TIAM2: variants seen among roughly 807,000 people sequenced by gnomAD.
TIAM2 encodes rho guanine nucleotide exchange factor TIAM2.
Under a neutral mutation model 152.9 loss-of-function variants are expected in TIAM2, and 80 were observed. That is an observed-to-expected ratio of 0.52 (90% CI 0.44 to 0.63). The LOEUF (loss-of-function observed/expected upper bound fraction) is 0.63. TIAM2 is among the 30% of genes least tolerant of loss of function. The pLI, the probability that TIAM2 is intolerant of heterozygous loss-of-function variation, is 0.00. For synonymous variants in TIAM2, 804 were observed against 838.0 expected (o/e 0.96, Z 0.70); for missense variants, 1,965 against 2,120.1 (o/e 0.93, Z 1.44).
At chr6:155,142,355 AGTCTGTT>A (rs1398260798) in intron 5 of TIAM2, among the ~76,000 whole-genome samples, 1 of 152,218 alleles carries the variant, frequency 6.6e-6, no homozygotes. Flanking sequence ...TTAGAGCGGT[AGTCTGTT>A]GTCCATGGGT....
chr6:155,111,124 C>G (rs892513436), intron 2 of TIAM2, among the ~76,000 whole-genome samples: 1 of 152,136 alleles, frequency 6.6e-6, no homozygotes, highest in African/African-American at 2.4e-5. Flanking sequence ...AGAATAAAGA[C>G]AGGCTCTTTT....
At chr6:155,242,478 G>A (rs576396982) in intron 16 of TIAM2, among the ~76,000 whole-genome samples, 1 of 152,190 alleles carries the variant, frequency 6.6e-6, no homozygotes, top group Non-Finnish European at 1.5e-5. Flanking sequence ...GGTGAGGGAA[G>A]GCCAGGGAGG....
intron 1 of TIAM2, among the ~76,000 whole-genome samples, chr6:155,062,100 C>A (rs1250775438): frequency 4.7e-5 from 7 of 150,150 alleles, no homozygotes; most frequent in Non-Finnish European, 7.4e-5. Flanking sequence ...CCCACCGCCC[C>A]CGCGCACCAC....
At chr6:155,173,199 G>GTGTC (rs56657909) in intron 9 of TIAM2, among the ~76,000 whole-genome samples, 14,381 of 149,630 alleles carry the variant, frequency 0.096, 769 homozygotes, top group Middle Eastern at 0.16. Flanking sequence ...GTGTGTGTGT[G>GTGTC]TGTCTGTCTG....
At chr6:155,037,756 C>T (rs1421783848) in intron 1 of TIAM2, among the ~76,000 whole-genome samples, 1 of 152,166 alleles carries the variant, frequency 6.6e-6, no homozygotes, top group African/African-American at 2.4e-5. Flanking sequence ...TCTTGAACTC[C>T]TGACCTCAAG....
chr6:155,217,285 A>G (rs185674694), intron 15 of TIAM2, among the ~76,000 whole-genome samples: 1 of 152,366 alleles, frequency 6.6e-6, no homozygotes. Flanking sequence ...TTTTACAGCT[A>G]AGGATAAGAG....
rs1051918844 is a variant in TIAM2, at chr6:155,112,417, C to G, written c.-117-15073C>G. Among the ~76,000 whole-genome samples the G allele has an allele frequency of 1.4e-4, 21 of 152,078 alleles. No homozygotes were observed. The East Asian group carries it at 3.9e-3, about 28-fold the overall frequency. On this transcript the variant is annotated intron_variant, in intron 2 of 26. Transcript: ENST00000682666. ...TGGGATTACAGGTGTGAGCCACCAC[C>G]GTGCCAGGTCTCTTGGTTCCTCTTA...
chr6:155,151,067 T>C (rs1223397401), intron 7 of TIAM2, among the ~76,000 whole-genome samples: 1 of 152,214 alleles, frequency 6.6e-6, no homozygotes, highest in Admixed American at 6.5e-5. Flanking sequence ...ACAGAAGTCC[T>C]CAGGCATCTG....
chr6:155,075,011 T>A lies in TIAM2; in HGVS notation c.-208-15278T>A, dbSNP rs773147430. 2.0e-5 allele frequency among the ~76,000 whole-genome samples: 3 copies of A among 151,854 alleles called. No homozygotes were observed. The South Asian group carries it at 6.3e-4, about 32-fold the overall frequency. The stretch of plus-strand genomic sequence containing the variant: ...CGATGCAATTCTGGATAAGTCTGGA[T>A]AAGGACGGTGGGTGCAGCCGCGGCT... On this transcript the variant is annotated intron_variant, in intron 1 of 26. Coordinates refer to ENST00000682666, the MANE Select transcript of TIAM2 (RefSeq NM_012454.4).
chr6:155,220,224 G>A (rs1323650311), intron 15 of TIAM2, among the ~76,000 whole-genome samples: 1 of 152,252 alleles, frequency 6.6e-6, no homozygotes, highest in Admixed American at 6.5e-5. Flanking sequence ...AGCTGGCTGT[G>A]CCTTTGCCAG....
intron 1 of TIAM2, among the ~76,000 whole-genome samples, chr6:155,014,795 G>A (rs1315881422): frequency 6.6e-6 from 1 of 152,200 alleles, no homozygotes; most frequent in African/African-American, 2.4e-5. Context: ...GCAGCAGAGG[G>A]AATTGCAGTA....
chr6:155,206,923 T>C (rs7741028), intron 14 of TIAM2, among the ~76,000 whole-genome samples: 140,968 of 152,274 alleles, frequency 0.93, 65,403 homozygotes, highest in East Asian at 1. Context: ...TTTTCTGGAG[T>C]GAGTCTGAAC....
intron 7 of TIAM2, among the ~76,000 whole-genome samples, chr6:155,153,933 T>C (rs1328210017): frequency 6.6e-6 from 1 of 152,196 alleles, no homozygotes; most frequent in African/African-American, 2.4e-5. Flanking sequence ...AAGAGCTGTT[T>C]ACTTTTTACC....
At chr6:155,193,637 CAT>C (rs1314011009) in intron 14 of TIAM2, among the ~76,000 whole-genome samples, 1 of 152,122 alleles carries the variant, frequency 6.6e-6, no homozygotes, top group Non-Finnish European at 1.5e-5. Flanking sequence ...CACAGTTGTA[CAT>C]ATGTTTTTCC....
chr6:155,087,735 T>G (rs954471118), intron 1 of TIAM2, among the ~76,000 whole-genome samples: 1 of 151,848 alleles, frequency 6.6e-6, no homozygotes, highest in Non-Finnish European at 1.5e-5. Flanking sequence ...GGTGACAGAG[T>G]GAGACTCCAT....
At chr6:155,070,660 T>C (rs1430761074) in intron 1 of TIAM2, among the ~76,000 whole-genome samples, 1 of 152,198 alleles carries the variant, frequency 6.6e-6, no homozygotes, top group Admixed American at 6.5e-5. Context: ...ATTTTCCTTA[T>C]GATGAATTAA....
Position 155,257,022 on chromosome 6 carries a change from C to T in TIAM2, c.5007C>T (p.Asp1669=). Residue 1669 remains aspartate, a synonymous_variant, in exon 27 of 27, where the codon GAC becomes GAT. Coordinates refer to ENST00000682666, the MANE Select transcript of TIAM2 (RefSeq NM_012454.4). ...LDSQSENATI[D]LNSVLEREFS... ...GTCAGTCTGAAAATGCCACCATCGA[C>T]CTAAATTCTGTTCTAGAGCGAGAAT... is the stretch of plus-strand genomic sequence containing the variant. 6.2e-7 allele frequency: 1 copy of T among 1,614,158 alleles called. No individual in the cohort carries two copies.
chr6:155,112,732 C>T (rs1176600448), intron 2 of TIAM2, among the ~76,000 whole-genome samples: 1 of 152,322 alleles, frequency 6.6e-6, no homozygotes, highest in South Asian at 2.1e-4. Context: ...CTGCTCTGCT[C>T]TGCCGTCTGC....
At chr6:155,254,730 G>GA (rs1783892708) in intron 26 of TIAM2, 157 bp downstream of exon 26, 2 of 937,138 alleles carry the variant, frequency 2.1e-6, no homozygotes, top group Non-Finnish European at 3.1e-6. Context: ...CTTGCTCCCA[G>GA]ACGTTCTACT....
Sources: gnomAD v4.1 joint callset for allele counts (sites outside exome capture counted in the v4.1 genomes callset) on GRCh38, gnomAD v4.1.1 for gene constraint, MANE v1.5 for transcripts, NCBI Gene and HGNC (gene_info 2026-07-23, HGNC 2026-07-21) for gene names.